METTL22: variants seen among roughly 807,000 people sequenced by gnomAD.
METTL22 encodes methyltransferase 22, Kin17 lysine.
A neutral mutation model predicts 48.4 loss-of-function variants in METTL22; 51 were observed. The ratio of observed to expected loss-of-function variants is 1.05; its 90% CI spans 0.84 to 1.33. The LOEUF (loss-of-function observed/expected upper bound fraction) is 1.33, where lower values mean the gene tolerates loss of function less well. Ranked by LOEUF, METTL22 falls within the 40% of genes most tolerant of loss-of-function variation. METTL22 has a pLI of 0.00. For missense variants in METTL22, 678 were observed against 526.9 expected, an observed-to-expected ratio of 1.29 and a Z score of -2.81; for synonymous variants, 255 against 214.1, an observed-to-expected ratio of 1.19 and a Z score of -1.67.
Position 8,641,201 on chromosome 16 carries a change from G to C in METTL22, c.826+17G>C, listed in dbSNP as rs769400671. 6.2e-7 allele frequency: 1 copy of C among 1,613,602 alleles called. No homozygotes were observed. Among genetic ancestry groups the C allele is most frequent in the East Asian group, 2.2e-5 (1 of 44,880 alleles). Reference sequence around the variant, plus strand: ...TCTGCACAGGTGTGTGTTTCTCTCGGACGTCCCCCAGTATGATTCAGTGAT... The same window carrying C: ...TCTGCACAGGTGTGTGTTTCTCTCGCACGTCCCCCAGTATGATTCAGTGAT... On this transcript the variant is annotated intron_variant, in intron 7 of 10. Transcript: ENST00000381920.
rs948050057 is a variant in METTL22 at position 8,635,155 on chromosome 16, C to A, written c.556-13C>A. ...CTCACGCTGCTTGTCGCTCCTTGTC[C>A]TCTTCCCTCCAGGTGTGGCGGGGCG... On this transcript the variant is annotated splice_polypyrimidine_tract_variant and intron_variant, in intron 4 of 10. Transcript: ENST00000381920. 1 of 1,613,324 alleles carries A rather than the reference C, an allele frequency of 6.2e-7. No individual in the cohort carries two copies. The highest frequency in any genetic ancestry group is 8.5e-7 in the Non-Finnish European group (1 of 1,179,676).
chr16:8,636,688 C>T (rs1055223026), intron 5 of METTL22, among the ~76,000 whole-genome samples: 2 of 149,230 alleles, frequency 1.3e-5, no homozygotes, highest in Admixed American at 1.3e-4. Context: ...CTGTGATGAA[C>T]ATCTTTGTAT....
the METTL22 span, among the ~76,000 whole-genome samples, chr16:8,657,417 A>G: frequency 6.6e-6 from 1 of 152,230 alleles, no homozygotes; most frequent in Non-Finnish European, 1.5e-5. Context: ...TGTCACAAAG[A>G]TGGTGATCTT....
chr16:8,665,524 A>G, the METTL22 span, among the ~76,000 whole-genome samples: 1 of 152,212 alleles, frequency 6.6e-6, no homozygotes, highest in Admixed American at 6.5e-5. Flanking sequence ...CAGGATTCCC[A>G]AGATTCATTT....
At position 8,640,958 on chromosome 16, in the gene METTL22, C is replaced by A. The variant is rs1197179174; in HGVS notation, c.773-173C>A. Among the ~76,000 whole-genome samples, 35 of 27,634 alleles carry A rather than the reference C, an allele frequency of 1.3e-3. 1 individual carries two copies. Among genetic ancestry groups the A allele is most frequent in the African/African-American group, 3.1e-3 (26 of 8,266 alleles). The allele number at this position is 27,634 out of a possible 152,430, so 18.1% of individuals were successfully genotyped here. A position where few individuals can be genotyped will look rare whatever the true frequency, so the allele number is the denominator to read the frequency against. ...GATGGATGGATGGGTGGGTGGATGGCTGGCTGGCTGGCTGGCTGGCTGGCT... is the reference window on the plus strand; with the variant it reads ...GATGGATGGATGGGTGGGTGGATGGATGGCTGGCTGGCTGGCTGGCTGGCT... On this transcript the variant is annotated intron_variant, in intron 6 of 10. Transcript: ENST00000381920.
downstream of METTL22, among the ~76,000 whole-genome samples, chr16:8,651,394 A>AAAAAAAAAAC (rs1555478727): frequency 1.3e-5 from 2 of 150,334 alleles, no homozygotes; most frequent in Non-Finnish European, 3.0e-5. Flanking sequence ...CTCAAAAAAA[A>AAAAAAAAAAC]AAAAAAAAAC....
At chr16:8,636,362 C>G (rs928202386) in intron 5 of METTL22, among the ~76,000 whole-genome samples, 1 of 152,026 alleles carries the variant, frequency 6.6e-6, no homozygotes, top group African/African-American at 2.4e-5. Context: ...TGGTGAAACC[C>G]TGTCTGTACT....
chr16:8,628,393 T>G (rs534001101), intron 2 of METTL22, among the ~76,000 whole-genome samples: 5 of 152,300 alleles, frequency 3.3e-5, no homozygotes, highest in East Asian at 1.9e-4. Flanking sequence ...TTGTGTGGCC[T>G]TGGTCAGCTT....
At chr16:8,638,880 C>G (rs565952480) in intron 5 of METTL22, among the ~76,000 whole-genome samples, 30 of 152,286 alleles carry the variant, frequency 2.0e-4, no homozygotes, top group African/African-American at 7.0e-4. Context: ...CTGTCTCTCC[C>G]CATCAGGAGG....
At chr16:8,666,938 C>A in the METTL22 span, 1 of 152,080 alleles carries the variant, frequency 6.6e-6, no homozygotes, top group East Asian at 1.9e-4. Context: ...AGGCACCTGC[C>A]ACCATGCCCA....
the METTL22 span, chr16:8,666,763 C>G: frequency 3.4e-5 from 5 of 146,166 alleles, no homozygotes; most frequent in African/African-American, 1.3e-4. Flanking sequence ...TCCTGATTTT[C>G]TTTTCTTTCT....
the METTL22 span, among the ~76,000 whole-genome samples, chr16:8,659,729 C>CT: frequency 0.27 from 39,523 of 147,660 alleles, 6,298 homozygotes; most frequent in African/African-American, 0.46. Context: ...AAGGACTTCG[C>CT]TTTTTTTTTT....
intron 7 of METTL22, chr16:8,641,706 C>T: frequency 2.6e-6 from 1 of 390,158 alleles, no homozygotes; most frequent in South Asian, 2.1e-5. Context: ...TGGTCACCTG[C>T]CTAGCACTTT....
At chr16:8,625,840 T>G in intron 2 of METTL22, 42 bp downstream of exon 2, 1 of 1,608,998 alleles carries the variant, frequency 6.2e-7, no homozygotes, top group South Asian at 1.1e-5. Context: ...CCTATTTTGT[T>G]TTCTGCTTTC....
At position 8,646,436 on chromosome 16, in the gene METTL22, G is replaced by A. The variant is rs1004464492; in HGVS notation, c.*293G>A. 13 of 646,648 alleles carry A rather than the reference G, an allele frequency of 2.0e-5. No individual in the cohort carries two copies. The highest frequency in any genetic ancestry group is 2.4e-4 in the Middle Eastern group (1 of 4,108). The allele number at this position is 646,648 out of a possible 1,614,324, so 40.1% of individuals were successfully genotyped here. A position where few individuals can be genotyped will look rare whatever the true frequency, so the allele number is the denominator to read the frequency against. On this transcript the variant is annotated 3_prime_UTR_variant, in exon 11 of 11. Transcript: ENST00000381920. The stretch of plus-strand genomic sequence containing the variant: ...TCCTTCTCAGCTCAGTTCCACCCAC[G>A]TCAGTCATTTCAGCTGTGTGCTTTA...
intron 5 of METTL22, among the ~76,000 whole-genome samples, chr16:8,635,701 T>C (rs563654359): frequency 6.6e-6 from 1 of 152,360 alleles, no homozygotes; most frequent in East Asian, 1.9e-4. Context: ...CCATTCTTTG[T>C]AGGAGGTTTT....
intron 10 of METTL22, chr16:8,645,042 G>T (rs919474501): frequency 4.8e-5 from 10 of 208,958 alleles, no homozygotes; most frequent in Non-Finnish European, 9.5e-5. Flanking sequence ...GGAACAGGAA[G>T]TCAGTGGAGG....
the METTL22 span, among the ~76,000 whole-genome samples, chr16:8,666,344 G>A: frequency 4.6e-5 from 7 of 152,180 alleles, no homozygotes; most frequent in African/African-American, 1.7e-4. Context: ...TTATTTGCTA[G>A]ATAACCCACA....
intron 3 of METTL22, among the ~76,000 whole-genome samples, chr16:8,633,842 T>G (rs1015235455): frequency 1.3e-5 from 2 of 152,246 alleles, no homozygotes; most frequent in African/African-American, 4.8e-5. Flanking sequence ...ATGCTGAACC[T>G]TAGTCAGTGT....
Sources: gnomAD v4.1 joint callset for allele counts (sites outside exome capture counted in the v4.1 genomes callset) on GRCh38, gnomAD v4.1.1 for gene constraint, MANE v1.5 for transcripts, NCBI Gene and HGNC (gene_info 2026-07-23, HGNC 2026-07-21) for gene names.